The following RPTOR variants were observed in gnomAD, a reference collection of about 807,000 sequenced individuals.
The protein encoded by RPTOR is regulatory-associated protein of mTOR.
RPTOR carries 21 observed loss-of-function variants against 169.9 expected under a neutral mutation model. The observed-to-expected ratio is 0.12, with a 90% CI of 0.09 to 0.18. RPTOR has a LOEUF of 0.18. Among genes scored for constraint, RPTOR ranks in the 10% least tolerant of loss-of-function variants. The pLI is 1.00. For missense variants in RPTOR, 1,133 were observed against 1,855.9 expected (o/e 0.61, Z 7.16); for synonymous variants, 732 against 753.2 (o/e 0.97, Z 0.46).
chr17:80,788,691 T>G (rs1347052875), intron 6 of RPTOR, among the ~76,000 whole-genome samples: 1 of 152,222 alleles, frequency 6.6e-6, no homozygotes, highest in Non-Finnish European at 1.5e-5. Context: ...GTTCTTCCTC[T>G]GTATATCATA....
Position 80,708,586 on chromosome 17 carries a change from G to A in RPTOR, c.507+587G>A, listed in dbSNP as rs2066159217. 6.8e-6 allele frequency among the ~76,000 whole-genome samples: 1 copy of A among 148,020 alleles called. No homozygotes were observed. The highest frequency in any genetic ancestry group is 1.5e-5 in the Non-Finnish European group (1 of 67,212). On this transcript the variant is annotated intron_variant, in intron 4 of 33. Transcript: ENST00000306801. The surrounding 1 kb of genome is among the most constrained non-coding windows in gnomAD (Gnocchi z 4.2). ...CTCCAGGGTGTGGTGGGTGCTGACTGTTGTCCCCACCCTCCAGGGTGTGGT... is the reference window on the plus strand; with the variant it reads ...CTCCAGGGTGTGGTGGGTGCTGACTATTGTCCCCACCCTCCAGGGTGTGGT...
Position 80,768,227 on chromosome 17 carries a change from A to C in RPTOR, c.830+14042A>C, listed in dbSNP as rs2066807404. ...TGGTTCACGTTGGGACTTACCTTCT[A>C]GTCATTTACTGTTGGCTCACATTTC... On this transcript the variant is annotated intron_variant, in intron 6 of 33. Coordinates refer to ENST00000306801, the MANE Select transcript of RPTOR (RefSeq NM_020761.3). 2.0e-5 allele frequency among the ~76,000 whole-genome samples: 3 copies of C among 152,170 alleles called. No homozygotes were observed. In the South Asian group the frequency reaches 6.2e-4, roughly 32 times the overall value.
intron 4 of RPTOR, among the ~76,000 whole-genome samples, chr17:80,720,213 G>C (rs768967940): frequency 3.9e-5 from 6 of 151,944 alleles, no homozygotes; most frequent in Non-Finnish European, 8.8e-5. Flanking sequence ...CAGGAGAATC[G>C]CTTGAACTGG....
chr17:80,894,840 T>G (rs1200017268), intron 20 of RPTOR, among the ~76,000 whole-genome samples: 1 of 152,134 alleles, frequency 6.6e-6, no homozygotes, highest in African/African-American at 2.4e-5. Flanking sequence ...CCCGGTCCCA[T>G]TCCCTCTGGT....
chr17:80,599,624 G>T (rs924055020), intron 1 of RPTOR, among the ~76,000 whole-genome samples: 1 of 152,218 alleles, frequency 6.6e-6, no homozygotes, highest in Non-Finnish European at 1.5e-5. Flanking sequence ...GGTGGCACAT[G>T]ATGACTGTCC....
chr17:80,676,193 A>G (rs1485814141), intron 3 of RPTOR, among the ~76,000 whole-genome samples: 1 of 152,234 alleles, frequency 6.6e-6, no homozygotes, highest in African/African-American at 2.4e-5. Context: ...GTGTTTATGC[A>G]AAATGGTAAT....
chr17:80,750,696 A>G (rs961564350), intron 5 of RPTOR, among the ~76,000 whole-genome samples: 2 of 152,180 alleles, frequency 1.3e-5, no homozygotes, highest in African/African-American at 4.8e-5. Context: ...TTCTGTGTAC[A>G]GCAGGTTGCA....
Position 80,634,582 on chromosome 17 carries a change from T to C in RPTOR, c.265+8789T>C, listed in dbSNP as rs368086325. Among the ~76,000 whole-genome samples the C allele has an allele frequency of 4.5e-3, 315 of 69,382 alleles. 3 individuals carry two copies. Among genetic ancestry groups the C allele is most frequent in the Non-Finnish European group, 6.1e-3 (204 of 33,484 alleles). 45.5% of individuals were successfully genotyped at this position (69,382 alleles called of 152,430 possible). ...TGTGTGTGTGCATACTGTGTGTGTG[T>C]GCGTACTGTGTGTGTGCGTACTGTG... On this transcript the variant is annotated intron_variant, in intron 2 of 33. Coordinates refer to ENST00000306801, the MANE Select transcript of RPTOR (RefSeq NM_020761.3).
Position 80,876,939 on chromosome 17 carries a change from G to A in RPTOR, c.1510-3476G>A, listed in dbSNP as rs578193066. 8.2e-5 allele frequency among the ~76,000 whole-genome samples: 11 copies of A among 133,950 alleles called. No homozygotes were observed. In the East Asian group the frequency reaches 2.1e-3, roughly 26 times the overall value. 87.9% of individuals were successfully genotyped at this position (133,950 alleles called of 152,430 possible). ...CCTGCCGGGTCTTCCCACCGAGCCC[G>A]TGCCACTCAGGGTGTGTGTGTCGCC... On this transcript the variant is annotated intron_variant, in intron 13 of 33. Coordinates refer to ENST00000306801, the MANE Select transcript of RPTOR (RefSeq NM_020761.3).
rs567983476 is a variant in RPTOR at position 80,860,510 on chromosome 17, G to T, written c.1509+2610G>T. ...TCAGCCCTTCTGCTCCCTGCACCCA[G>T]CCCTGACCATAGCCTCCCCACACCC... is the stretch of plus-strand genomic sequence containing the variant. On this transcript the variant is annotated intron_variant, in intron 13 of 33. Transcript: ENST00000306801. The surrounding 1 kb of genome is among the most constrained non-coding windows in gnomAD (Gnocchi z 5.8). Among the ~76,000 whole-genome samples, 1 of 152,066 alleles carries T rather than the reference G, an allele frequency of 6.6e-6. No homozygotes were observed. The highest frequency in any genetic ancestry group is 1.5e-5 in the Non-Finnish European group (1 of 68,000).
intron 7 of RPTOR, among the ~76,000 whole-genome samples, chr17:80,798,409 T>A (rs1054853618): frequency 1.3e-5 from 2 of 151,864 alleles, no homozygotes; most frequent in Admixed American, 6.6e-5. Flanking sequence ...ACCTTTTGAG[T>A]TTTTGTATGT....
rs563071044 is a variant in RPTOR, at chr17:80,925,243, G to A, written c.2809-127G>A. ...GAAGTGAGCAGAGCACAGAAGTGCC[G>A]TCCTTAGGGGCAGCCCGGTGCTCCC... is the stretch of plus-strand genomic sequence containing the variant. On this transcript the variant is annotated intron_variant, in intron 23 of 33. Transcript: ENST00000306801. 159 of 718,696 alleles carry A rather than the reference G, an allele frequency of 2.2e-4. 1 individual carries two copies. Among genetic ancestry groups the A allele is most frequent in the Non-Finnish European group, 2.8e-4 (118 of 427,346 alleles). The allele number at this position is 718,696 out of a possible 1,614,324, so 44.5% of individuals were successfully genotyped here.
At chr17:80,734,877 AT>A (rs1432630126) in intron 5 of RPTOR, among the ~76,000 whole-genome samples, 1 of 152,222 alleles carries the variant, frequency 6.6e-6, no homozygotes, top group Admixed American at 6.5e-5. Flanking sequence ...ACAATATAGT[AT>A]AACAACTACG....
intron 1 of RPTOR, among the ~76,000 whole-genome samples, chr17:80,622,998 C>A (rs1293264911): frequency 6.6e-6 from 1 of 152,114 alleles, no homozygotes; most frequent in Non-Finnish European, 1.5e-5. Context: ...TTTTCCTATA[C>A]AACTTTAAAT....
In RPTOR at chr17:80,957,566, A is replaced by G. The variant is rs927440111; in HGVS notation, c.3371-58A>G. 3.3e-6 allele frequency: 5 copies of G among 1,532,738 alleles called. No homozygotes were observed. The African/African-American group carries it at 6.8e-5, about 21-fold the overall frequency. 94.9% of individuals were successfully genotyped at this position (1,532,738 alleles called of 1,614,324 possible). ...AAATTGCTGCCCAGAGCAGGCCCCA[A>G]AGCCTGCCCAAGGCAAGGGCCCATG... On this transcript the variant is annotated intron_variant, in intron 28 of 33. Coordinates refer to ENST00000306801, the MANE Select transcript of RPTOR (RefSeq NM_020761.3). The surrounding 1 kb of genome is among the most constrained non-coding windows in gnomAD (Gnocchi z 4.6).
chr17:80,940,733 G>A (rs891457172), intron 25 of RPTOR, 132 bp downstream of exon 25: 15 of 649,038 alleles, frequency 2.3e-5, no homozygotes, highest in East Asian at 1.2e-4. Flanking sequence ...CGACAGACCC[G>A]CCCCGCACCC....
intron 1 of RPTOR, among the ~76,000 whole-genome samples, chr17:80,549,080 C>T (rs1036468399): frequency 6.6e-6 from 1 of 152,320 alleles, no homozygotes; most frequent in South Asian, 2.1e-4. Flanking sequence ...AGAGCTACAG[C>T]CCTTGCCCGC....
chr17:80,816,376 G>A (rs1407262027), intron 7 of RPTOR, among the ~76,000 whole-genome samples: 7 of 152,188 alleles, frequency 4.6e-5, no homozygotes, highest in Non-Finnish European at 1.0e-4. Context: ...CCGGGGTTTC[G>A]AGCCTCAGTG....
chr17:80,823,641 TCACACACACACA>T lies in RPTOR; in HGVS notation c.1136+445_1136+456del, dbSNP rs3042670. The T allele has an allele frequency of 2.1e-3, 324 of 157,040 alleles. 2 individuals are homozygous for T. Among genetic ancestry groups the T allele is most frequent in the South Asian group, 0.015 (85 of 5,676 alleles). 9.7% of individuals were successfully genotyped at this position (157,040 alleles called of 1,614,324 possible). On this transcript the variant is annotated intron_variant, in intron 9 of 33. Coordinates refer to ENST00000306801, the MANE Select transcript of RPTOR (RefSeq NM_020761.3). The surrounding 1 kb of genome is among the most constrained non-coding windows in gnomAD (Gnocchi z 4.5). ...ATCAATTAGTTTTTATGCTTATTTC[TCACACACACACA>T]CACACACACACACACACACACACAC... is the stretch of plus-strand genomic sequence containing the variant.
Sources: gnomAD v4.1 joint callset for allele counts (sites outside exome capture counted in the v4.1 genomes callset) on GRCh38, gnomAD v4.1.1 for gene constraint, Gnocchi (gnomAD v3.1) non-coding constraint, MANE v1.5 for transcripts, NCBI Gene and HGNC (gene_info 2026-07-23, HGNC 2026-07-21) for gene names.